ITPR1: variants seen among roughly 807,000 people sequenced by gnomAD.
The protein encoded by ITPR1 is inositol 1,4,5-trisphosphate-gated calcium channel ITPR1.
Under a neutral mutation model 318.4 loss-of-function variants are expected in ITPR1, and 96 were observed. That is an observed-to-expected ratio of 0.30 (90% CI 0.26 to 0.36). The LOEUF is 0.36. Ranked by LOEUF, ITPR1 falls within the 10% of genes least tolerant of loss-of-function variation. ITPR1 has a pLI of 1.00. For synonymous variants in ITPR1, 1,312 were observed against 1,289.9 expected, an observed-to-expected ratio of 1.02 and a Z score of -0.37; for missense variants, 2,440 against 3,460.2, an observed-to-expected ratio of 0.71 and a Z score of 7.40.
At chr3:4,693,945 C>T (rs1018409367) in intron 33 of ITPR1, among the ~76,000 whole-genome samples, 13 of 152,182 alleles carry the variant, frequency 8.5e-5, no homozygotes, top group Admixed American at 7.2e-4. Context: ...AGAAGTTAGT[C>T]GTTCTTTCTG....
At chr3:4,721,172 G>GTATGTATATATA (rs2042132062) in intron 40 of ITPR1, among the ~76,000 whole-genome samples, 1 of 125,080 alleles carries the variant, frequency 8.0e-6, no homozygotes, top group Non-Finnish European at 1.6e-5. Context: ...GTGTGTGCGT[G>GTATGTATATATA]TATATATATA....
At chr3:4,783,411 G>T (rs2046960615) in intron 50 of ITPR1, among the ~76,000 whole-genome samples, 1 of 152,104 alleles carries the variant, frequency 6.6e-6, no homozygotes, top group African/African-American at 2.4e-5. Flanking sequence ...TGGGCCCGAG[G>T]TTGGTGGGCC....
In ITPR1 at chr3:4,842,951, T is replaced by A. The variant is rs7355847; in HGVS notation, c.8191-3188T>A. Among the ~76,000 whole-genome samples, 1,434 of 152,194 alleles carry A rather than the reference T, an allele frequency of 9.4e-3. 17 individuals are homozygous for A. Among genetic ancestry groups the A allele is most frequent in the African/African-American group, 0.032 (1,329 of 41,538 alleles). ...GGGGTAGGTAAGTAGATAAGAAGAA[T>A]TGAACTAATAAAACCAGAAATTATG... On this transcript the variant is annotated intron_variant, in intron 61 of 61. Coordinates refer to ENST00000649015, the MANE Select transcript of ITPR1 (RefSeq NM_001378452.1).
At chr3:4,771,650 A>G (rs929445361) in intron 46 of ITPR1, among the ~76,000 whole-genome samples, 14 of 152,110 alleles carry the variant, frequency 9.2e-5, no homozygotes, top group Admixed American at 8.5e-4. Flanking sequence ...CCTTTTAATG[A>G]AGTCCTTCCA....
intron 16 of ITPR1, among the ~76,000 whole-genome samples, chr3:4,664,755 T>A (rs2093910639): frequency 6.6e-6 from 1 of 152,254 alleles, no homozygotes; most frequent in African/African-American, 2.4e-5. Context: ...TTACTACACC[T>A]CTGTGATATA....
chr3:4,701,065 A>G (rs569768109), intron 35 of ITPR1, among the ~76,000 whole-genome samples: 1 of 152,324 alleles, frequency 6.6e-6, no homozygotes, highest in South Asian at 2.1e-4. Flanking sequence ...GTCAAATCAT[A>G]TCCCACCAGA....
intron 52 of ITPR1, among the ~76,000 whole-genome samples, chr3:4,794,084 AGG>A (rs2125414019): frequency 6.6e-6 from 1 of 152,268 alleles, no homozygotes; most frequent in South Asian, 2.1e-4. Context: ...TTTTCTCTGG[AGG>A]GGGATGATGT....
At chr3:4,620,399 T>C (rs1371922928) in intron 4 of ITPR1, among the ~76,000 whole-genome samples, 2 of 152,168 alleles carry the variant, frequency 1.3e-5, no homozygotes, top group Non-Finnish European at 2.9e-5. Flanking sequence ...CTGACTGCTC[T>C]TCCTGTGTGT....
At chr3:4,810,943 C>T (rs1217397392) in intron 55 of ITPR1, among the ~76,000 whole-genome samples, 1 of 152,232 alleles carries the variant, frequency 6.6e-6, no homozygotes, top group Non-Finnish European at 1.5e-5. Context: ...GATGCCAAGA[C>T]CCTCATCACT....
Position 4,788,159 on chromosome 3 carries a change from C to A in ITPR1, c.6808+20C>A. On this transcript the variant is annotated intron_variant, in intron 52 of 61. Transcript: ENST00000649015. ...TGAGAGGTGGGTTCCAACGCATCAG[C>A]AACAACACAGAGAGACACAGTTCTG... 2 of 1,573,668 alleles carry A rather than the reference C, an allele frequency of 1.3e-6. No individual in the cohort carries two copies. Among genetic ancestry groups the A allele is most frequent in the Non-Finnish European group, 8.7e-7 (1 of 1,154,568 alleles).
chr3:4,585,973 T>G (rs1011691784), intron 4 of ITPR1, among the ~76,000 whole-genome samples: 1 of 140,460 alleles, frequency 7.1e-6, no homozygotes, highest in Non-Finnish European at 1.5e-5. Flanking sequence ...CTTGTGTCCA[T>G]GTGTTCTCAT....
rs115323582 is a variant in ITPR1, at chr3:4,677,691, G to A, written c.2967+890G>A. Among the ~76,000 whole-genome samples the A allele has an allele frequency of 6.1e-3, 933 of 152,304 alleles. 6 individuals are homozygous for A. The highest frequency in any genetic ancestry group is 0.021 in the African/African-American group (870 of 41,558). On this transcript the variant is annotated intron_variant, in intron 24 of 61. Coordinates refer to ENST00000649015, the MANE Select transcript of ITPR1 (RefSeq NM_001378452.1). ...AGAAGTGGGGACATGGGCAGAGAGC[G>A]ATTGTTGGTAACATGGTTTATTTTT...
At chr3:4,522,555 G>C (rs953326212) in intron 4 of ITPR1, among the ~76,000 whole-genome samples, 2 of 152,184 alleles carry the variant, frequency 1.3e-5, no homozygotes, top group African/African-American at 2.4e-5. Context: ...GAGAATAACA[G>C]TTGTTGATAC....
Position 4,721,848 on chromosome 3 carries a change from C to CGGAT in ITPR1, c.5137-3688_5137-3685dup, listed in dbSNP as rs755010903. Among the ~76,000 whole-genome samples, 122 of 152,246 alleles carry CGGAT rather than the reference C, an allele frequency of 8.0e-4. 1 individual carries two copies. The highest frequency in any genetic ancestry group is 4.5e-3 in the Admixed American group (69 of 15,288). ...TGGTCTGTGATAGGCACACATGAAG[C>CGGAT]GGATGGATGGATGTGCGTGGGTGCT... On this transcript the variant is annotated intron_variant, in intron 40 of 61. Coordinates refer to ENST00000649015, the MANE Select transcript of ITPR1 (RefSeq NM_001378452.1).
intron 37 of ITPR1, 39 bp downstream of exon 37, chr3:4,706,390 C>T (rs1263653318): frequency 6.5e-7 from 1 of 1,548,452 alleles, no homozygotes. Flanking sequence ...CTTAGCCTGG[C>T]CTCACGTGAT....
chr3:4,821,289 C>T (rs2049700368), intron 60 of ITPR1, among the ~76,000 whole-genome samples: 1 of 152,230 alleles, frequency 6.6e-6, no homozygotes, highest in Non-Finnish European at 1.5e-5. Flanking sequence ...GATTACTCTG[C>T]AGCTCTCCTT....
chr3:4,744,387 G>A (rs1196609729), intron 44 of ITPR1, among the ~76,000 whole-genome samples: 1 of 152,238 alleles, frequency 6.6e-6, no homozygotes, highest in Non-Finnish European at 1.5e-5. Flanking sequence ...AGTGTGAGAT[G>A]CCTCTTGGGA....
chr3:4,742,280 G>A (rs6776938), intron 44 of ITPR1, among the ~76,000 whole-genome samples: 145,628 of 152,302 alleles, frequency 0.96, 69,658 homozygotes, highest in East Asian at 1. Flanking sequence ...TTCCTCATCT[G>A]CAAAATGAGG....
At chr3:4,664,735 A>G (rs2093910148) in intron 16 of ITPR1, among the ~76,000 whole-genome samples, 1 of 152,144 alleles carries the variant, frequency 6.6e-6, no homozygotes, top group Admixed American at 6.5e-5. Flanking sequence ...ATTATCATCC[A>G]TTTTCATCCT....
Sources: allele counts gnomAD v4.1 joint callset (sites outside exome capture counted in the v4.1 genomes callset), GRCh38; gene constraint gnomAD v4.1.1; transcripts MANE v1.5; gene names NCBI Gene and HGNC (gene_info 2026-07-23, HGNC 2026-07-21).